The following TP53BP1 variants were observed in gnomAD, a reference collection of about 807,000 sequenced individuals.
The protein encoded by TP53BP1 is tumor protein p53 binding protein 1.
TP53BP1 carries 61 observed loss-of-function variants against 200.8 expected under a neutral mutation model. That is an observed-to-expected ratio of 0.30 (90% CI 0.25 to 0.38). The LOEUF is 0.38. Ranked by LOEUF, TP53BP1 falls within the 10% of genes least tolerant of loss-of-function variation. The pLI, the probability that TP53BP1 is intolerant of heterozygous loss-of-function variation, is 1.00. For missense variants in TP53BP1, 2,144 were observed against 2,371.9 expected, an observed-to-expected ratio of 0.90 and a Z score of 2.00; for synonymous variants, 822 against 844.3, an observed-to-expected ratio of 0.97 and a Z score of 0.46.
In TP53BP1 at chr15:43,432,414, G is replaced by A. The variant is rs370172450; in HGVS notation, c.3455C>T (p.Pro1152Leu). 7.1e-5 allele frequency: 115 copies of A among 1,613,974 alleles called. No homozygotes were observed. The highest frequency in any genetic ancestry group is 4.9e-4 in the Middle Eastern group (3 of 6,082). The change falls in exon 17 of 28, where the codon CCC becomes CTC. Residue 1152 changes from proline to leucine, a missense_variant. Physicochemically the swap from Pro to Leu is moderately conservative, Grantham distance 98. This residue lies in a region of TP53BP1 where 1,700 missense variants were observed against 1,710.3 expected (regional missense o/e 0.99). Transcript: ENST00000382044. ...ENPSKALIER[P>L]SQNNIGIQTM... ...TTGGATTCCTATGTTATTTTGGCTG[G>A]GCCTTTCAATCAAGGCCTTACTAGG...
intron 18 of TP53BP1, among the ~76,000 whole-genome samples, chr15:43,425,206 C>G (rs1257206515): frequency 6.6e-6 from 1 of 152,148 alleles, no homozygotes; most frequent in Non-Finnish European, 1.5e-5. Context: ...TTAAATATAG[C>G]AACAGAAAAC....
Position 43,404,643 on chromosome 15 carries a change from C to A in TP53BP1, c.*2740G>T. ...CTAGAACTGGAAGAAGACTTTAGTC[C>A]AAATACCCTCATTTTATAAGTAAGG... On this transcript the variant is annotated 3_prime_UTR_variant, in exon 28 of 28. Transcript: ENST00000382044. 4 of 1,340,508 alleles carry A rather than the reference C, an allele frequency of 3.0e-6. No homozygotes were observed. The highest frequency in any genetic ancestry group is 3.1e-6 in the Non-Finnish European group (3 of 966,108). The allele number at this position is 1,340,508 out of a possible 1,614,324, so 83.0% of individuals were successfully genotyped here.
chr15:43,493,781 A>G (rs772636852), upstream of TP53BP1, among the ~76,000 whole-genome samples: 2 of 152,176 alleles, frequency 1.3e-5, no homozygotes, highest in African/African-American at 4.8e-5. Flanking sequence ...TTTTCCGCCT[A>G]GGACGTATTT....
Position 43,456,941 on chromosome 15 carries a change from A to G in TP53BP1, c.1667T>C (p.Met556Thr), listed in dbSNP as rs779481714. The G allele has an allele frequency of 6.2e-7, 1 of 1,614,214 alleles. No homozygotes were observed. The highest frequency in any genetic ancestry group is 8.5e-7 in the Non-Finnish European group (1 of 1,180,042). Residue 556 changes from methionine to threonine, a missense_variant, in exon 12 of 28, where the codon ATG becomes ACG. Physicochemically the swap from Met to Thr is moderately conservative, Grantham distance 81 (BLOSUM62 -1). Transcript: ENST00000382044. ...ENTQIEDTEP[M>T]SPVLNSKFVP... ...AAATTTAGAATTGAGAACTGGAGAC[A>G]TGGGTTCCGTATCCTCAATCTGTGT...
chr15:43,483,374 T>C (rs370406236), intron 4 of TP53BP1, among the ~76,000 whole-genome samples: 1 of 152,188 alleles, frequency 6.6e-6, no homozygotes, highest in East Asian at 1.9e-4. Context: ...AAAATTTTCA[T>C]GTTTTTAAGC....
chr15:43,486,979 C>T (rs548164622), intron 4 of TP53BP1, among the ~76,000 whole-genome samples: 4 of 152,018 alleles, frequency 2.6e-5, no homozygotes, highest in Non-Finnish European at 5.9e-5. Context: ...AAATATTTAA[C>T]AGCTCTCACC....
At position 43,422,004 on chromosome 15, in the gene TP53BP1, T is replaced by G; in HGVS notation, c.3951A>C (p.Leu1317Phe). 1.9e-6 allele frequency: 3 copies of G among 1,614,166 alleles called. No homozygotes were observed. The Middle Eastern group carries it at 4.9e-4, about 266-fold the overall frequency. ...GACTTGTCCCACTTGATGTGCGGTG[T>G]AAGCTGGATGCCTTGGAGGAGAAGG... ...ISSFSSKASS[L>F]HRTSSGTSLS... is the part of the protein sequence containing the mutation. The change falls in exon 19 of 28, where the codon TTA becomes TTC. Residue 1317 changes from leucine (L) to phenylalanine (F), a missense_variant. By Grantham distance (22) the Leu-to-Phe change is conservative. Around this residue, in one of 4 missense-constraint regions of TP53BP1, gnomAD observed 1,700 missense variants for 1,710.3 expected, o/e 0.99. Transcript: ENST00000382044.
chr15:43,432,106 A>G, intron 17 of TP53BP1, 88 bp downstream of exon 17: 1 of 1,513,978 alleles, frequency 6.6e-7, no homozygotes, highest in East Asian at 2.3e-5. Context: ...AAGAATTGTC[A>G]TTAGGCAGAC....
intron 9 of TP53BP1, 144 bp from the exon 10 acceptor site, chr15:43,474,911 G>A: frequency 1.8e-6 from 1 of 554,692 alleles, no homozygotes. Context: ...AGCAACCTGA[G>A]GCTGGTGGAA....
At position 43,441,503 on chromosome 15, in the gene TP53BP1, A is replaced by C. The variant is rs201824680; in HGVS notation, c.3098+23T>G. On this transcript the variant is annotated intron_variant, in intron 15 of 27. Transcript: ENST00000382044. Reference sequence around the variant, plus strand: ...CACCAGTAGCTGTGTATTAAACTCTAAATAGCATCCAGCTTTGGTTACCTG... The same window carrying C: ...CACCAGTAGCTGTGTATTAAACTCTCAATAGCATCCAGCTTTGGTTACCTG... The C allele has an allele frequency of 3.4e-4, 534 of 1,570,370 alleles. 2 individuals are homozygous for C. The African/African-American group carries it at 6.5e-3, about 19-fold the overall frequency.
upstream of TP53BP1, among the ~76,000 whole-genome samples, chr15:43,493,911 C>G (rs897069977): frequency 6.6e-6 from 1 of 152,168 alleles, no homozygotes; most frequent in African/African-American, 2.4e-5. Context: ...TCTCAAACTC[C>G]ATGGTAAAGA....
Position 43,406,594 on chromosome 15 carries a change from T to G in TP53BP1, c.*789A>C. The G allele has an allele frequency of 2.2e-6, 1 of 455,992 alleles. No individual in the cohort carries two copies. Among genetic ancestry groups the G allele is most frequent in the Non-Finnish European group, 4.4e-6 (1 of 226,774 alleles). 28.2% of individuals were successfully genotyped at this position (455,992 alleles called of 1,614,324 possible). A position where few individuals can be genotyped will look rare whatever the true frequency, so the allele number is the denominator to read the frequency against. ...GCCTGAAATATTTACTCTTTGACCC[T>G]TTACAGAAAAAAACCTTGTTGACCC... is the stretch of plus-strand genomic sequence containing the variant. On this transcript the variant is annotated 3_prime_UTR_variant, in exon 28 of 28. Transcript: ENST00000382044.
At chr15:43,431,516 ATTT>A (rs1329219779) in intron 17 of TP53BP1, among the ~76,000 whole-genome samples, 1 of 152,056 alleles carries the variant, frequency 6.6e-6, no homozygotes, top group Non-Finnish European at 1.5e-5. Flanking sequence ...AAGCGCTGGG[ATTT>A]CAGGCATGTG....
At chr15:43,469,577 GAAT>G (rs1039587754) in intron 11 of TP53BP1, among the ~76,000 whole-genome samples, 4 of 152,006 alleles carry the variant, frequency 2.6e-5, no homozygotes, top group African/African-American at 9.7e-5. Flanking sequence ...TGTTAAAGTA[GAAT>G]AATGATTTAT....
At chr15:43,436,996 GA>G (rs544148813) in intron 16 of TP53BP1, among the ~76,000 whole-genome samples, 128 of 138,366 alleles carry the variant, frequency 9.3e-4, no homozygotes, top group Middle Eastern at 3.6e-3. Context: ...AAAAAAAGTT[GA>G]AAAAAAAAAA....
At chr15:43,469,740 A>G in intron 11 of TP53BP1, 118 bp downstream of exon 11, 2 of 901,990 alleles carry the variant, frequency 2.2e-6, no homozygotes, top group Non-Finnish European at 3.3e-6. Flanking sequence ...TAAATTTACT[A>G]AAATATCACA....
At chr15:43,419,887 G>A (rs1340080862) in intron 21 of TP53BP1, among the ~76,000 whole-genome samples, 1 of 152,074 alleles carries the variant, frequency 6.6e-6, no homozygotes, top group East Asian at 1.9e-4. Context: ...GTTGGATGCT[G>A]GAAGAGAAAA....
At chr15:43,428,878 T>C (rs1256907929) in intron 17 of TP53BP1, among the ~76,000 whole-genome samples, 3 of 152,156 alleles carry the variant, frequency 2.0e-5, no homozygotes, top group South Asian at 2.1e-4. Flanking sequence ...CTTAGGAGGA[T>C]TGAGCTTCTT....
chr15:43,468,036 C>T (rs959780171), intron 11 of TP53BP1, among the ~76,000 whole-genome samples: 3 of 152,122 alleles, frequency 2.0e-5, no homozygotes, highest in African/African-American at 7.2e-5. Context: ...CCGCCTGCCT[C>T]GGCCTCCCAA....
Sources: gnomAD v4.1 joint callset for allele counts (sites outside exome capture counted in the v4.1 genomes callset) on GRCh38, gnomAD v4.1.1 for gene constraint, gnomAD v4.1.1 regional missense constraint, MANE v1.5 for transcripts, NCBI Gene and HGNC (gene_info 2026-07-23, HGNC 2026-07-21) for gene names.